Variants in SEMA3A observed in about 807,000 individuals in gnomAD.
SEMA3A encodes the protein semaphorin 3A.
SEMA3A carries 29 observed loss-of-function variants against 97.9 expected under a neutral mutation model. The ratio of observed to expected loss-of-function variants is 0.30; its 90% CI spans 0.22 to 0.40. The LOEUF is 0.40. SEMA3A is among the 10% of genes least tolerant of loss of function. SEMA3A has a pLI of 1.00. For missense variants in SEMA3A, 763 were observed against 951.3 expected, an observed-to-expected ratio of 0.80 and a Z score of 2.60; for synonymous variants, 321 against 323.7, an observed-to-expected ratio of 0.99 and a Z score of 0.09.
chr7:84,318,513 G>A (rs894620349), intron 2 of SEMA3A, among the ~76,000 whole-genome samples: 3 of 151,424 alleles, frequency 2.0e-5, no homozygotes, highest in African/African-American at 7.3e-5. Context: ...TAGTAGAGAC[G>A]GGGTTTCACC....
At chr7:84,120,306 T>A (rs1008351499) in intron 3 of SEMA3A, among the ~76,000 whole-genome samples, 9 of 152,292 alleles carry the variant, frequency 5.9e-5, no homozygotes, top group Admixed American at 4.6e-4. Flanking sequence ...AAAGTTTTAT[T>A]TGCCATGTAT....
chr7:84,382,849 G>C (rs1006266336), intron 1 of SEMA3A, among the ~76,000 whole-genome samples: 1 of 151,998 alleles, frequency 6.6e-6, no homozygotes, highest in Admixed American at 6.6e-5. Context: ...CTGCACTCCA[G>C]CCTGGGTGAC....
chr7:84,184,427 T>C (rs1486421525), intron 1 of SEMA3A, among the ~76,000 whole-genome samples: 3 of 152,146 alleles, frequency 2.0e-5, no homozygotes, highest in Admixed American at 2.0e-4. Flanking sequence ...AGAGCCTAGC[T>C]TGAGATTGAT....
rs1019957127 is a variant in SEMA3A, at chr7:84,165,551, TA to T, written c.112+28923del. Among the ~76,000 whole-genome samples, 22 of 152,208 alleles carry T rather than the reference TA, an allele frequency of 1.4e-4. 1 individual carries two copies. Among genetic ancestry groups the T allele is most frequent in the Admixed American group, 1.4e-3 (21 of 15,282 alleles). ...CACTTGTAGCATAGCTGGTTATATA[TA>T]CCAGTACCTTCTTTTTTTGAGGCGG... On this transcript the variant is annotated intron_variant, in intron 1 of 16. Transcript: ENST00000265362.
At chr7:84,009,982 G>A (rs1174788496) in intron 9 of SEMA3A, among the ~76,000 whole-genome samples, 1 of 147,092 alleles carries the variant, frequency 6.8e-6, no homozygotes, top group Non-Finnish European at 1.5e-5. Flanking sequence ...ATTATGTGCT[G>A]TAATGGTGAA....
Position 84,009,905 on chromosome 7 carries a change from CAAAAAAA to C in SEMA3A, c.995+1110_995+1116del, listed in dbSNP as rs3074687. Among the ~76,000 whole-genome samples, 1,794 of 91,738 alleles carry C rather than the reference CAAAAAAA, an allele frequency of 0.02. 97 individuals are homozygous for C. In the East Asian group the frequency reaches 0.21, roughly 11 times the overall value. 60.2% of individuals were successfully genotyped at this position (91,738 alleles called of 152,430 possible). A position where few individuals can be genotyped will look rare whatever the true frequency, so the allele number is the denominator to read the frequency against. ...TTAAGTTTGAGTTTGACACTGGTTA[CAAAAAAA>C]AAAAAAAAAAAAAAAACCCAGTCAT... On this transcript the variant is annotated intron_variant, in intron 9 of 16. Transcript: ENST00000265362.
Position 84,129,161 on chromosome 7 carries a change from T to C in SEMA3A, c.295A>G (p.Arg99Gly). Residue 99 changes from arginine (R) to glycine (G), a missense_variant, in exon 3 of 17, where the codon AGA becomes GGA. Physicochemically the swap from Arg to Gly is moderately radical, Grantham distance 125. Coordinates refer to ENST00000265362, the MANE Select transcript of SEMA3A (RefSeq NM_006080.3). ...CCAGCCCACTTGCATTCATCTCTTCTGGTGTAAGATACTGGCCACACAATC... is the reference window on the plus strand; with the variant it reads ...CCAGCCCACTTGCATTCATCTCTTCCGGTGTAAGATACTGGCCACACAATC... ...QKIVWPVSYT[R>G]RDECKWAGKD... is the part of the protein sequence containing the mutation. 1 of 1,613,248 alleles carries C rather than the reference T, an allele frequency of 6.2e-7. No homozygotes were observed. The highest frequency in any genetic ancestry group is 8.5e-7 in the Non-Finnish European group (1 of 1,179,288).
chr7:84,167,678 T>G (rs1797255042), intron 1 of SEMA3A, among the ~76,000 whole-genome samples: 1 of 152,162 alleles, frequency 6.6e-6, no homozygotes, highest in East Asian at 1.9e-4. Context: ...GAAATGATAA[T>G]TATCTGGTAC....
chr7:84,003,238 C>T (rs2116391433), intron 11 of SEMA3A, among the ~76,000 whole-genome samples: 1 of 152,186 alleles, frequency 6.6e-6, no homozygotes, highest in Non-Finnish European at 1.5e-5. Flanking sequence ...GAAGACCCTT[C>T]TGTATTTACA....
At chr7:84,389,038 G>C (rs1301564992) in intron 1 of SEMA3A, among the ~76,000 whole-genome samples, 1 of 151,940 alleles carries the variant, frequency 6.6e-6, no homozygotes, top group Admixed American at 6.6e-5. Context: ...ACAAAAAGGA[G>C]ACCTTATGAG....
chr7:84,063,861 G>C (rs1472459904), intron 4 of SEMA3A, among the ~76,000 whole-genome samples: 1 of 149,942 alleles, frequency 6.7e-6, no homozygotes, highest in Non-Finnish European at 1.5e-5. Flanking sequence ...TATTATCCAG[G>C]AGAACTTCCC....
At chr7:84,366,816 T>C (rs918535110) in intron 2 of SEMA3A, among the ~76,000 whole-genome samples, 3 of 151,290 alleles carry the variant, frequency 2.0e-5, no homozygotes. Flanking sequence ...TAGTGGTAAA[T>C]TGCTATTCCA....
intron 6 of SEMA3A, among the ~76,000 whole-genome samples, chr7:84,017,781 A>C (rs983772400): frequency 6.6e-6 from 1 of 152,024 alleles, no homozygotes; most frequent in Non-Finnish European, 1.5e-5. Flanking sequence ...CTCTAAGTGT[A>C]TTCATCCCCT....
chr7:84,184,983 G>A (rs558811038), intron 1 of SEMA3A, among the ~76,000 whole-genome samples: 9 of 152,182 alleles, frequency 5.9e-5, no homozygotes, highest in African/African-American at 1.9e-4. Context: ...CTTAAGACCT[G>A]ACACAAAGCA....
chr7:84,078,856 G>A (rs1244909437), intron 4 of SEMA3A, among the ~76,000 whole-genome samples: 1 of 151,882 alleles, frequency 6.6e-6, no homozygotes. Flanking sequence ...ATTAAGTGTT[G>A]AACTGTAGGG....
intron 4 of SEMA3A, among the ~76,000 whole-genome samples, chr7:84,074,832 C>A (rs979468547): frequency 1.3e-5 from 2 of 151,886 alleles, no homozygotes; most frequent in East Asian, 1.9e-4. Context: ...AAATTCTACA[C>A]TTTAGGAAAA....
intron 1 of SEMA3A, among the ~76,000 whole-genome samples, chr7:84,149,135 TCTC>T: frequency 6.6e-6 from 1 of 152,226 alleles, no homozygotes; most frequent in Non-Finnish European, 1.5e-5. Flanking sequence ...AAGATTAAGT[TCTC>T]CTATATCCAG....
At chr7:84,257,844 C>T (rs1441029969) in intron 3 of SEMA3A, among the ~76,000 whole-genome samples, 2 of 152,124 alleles carry the variant, frequency 1.3e-5, no homozygotes, top group Non-Finnish European at 2.9e-5. Context: ...AATATCATGA[C>T]ACAAACAACT....
chr7:84,149,237 T>C (rs891181253), intron 1 of SEMA3A, among the ~76,000 whole-genome samples: 6 of 152,222 alleles, frequency 3.9e-5, no homozygotes, highest in African/African-American at 1.4e-4. Context: ...AAATAGCAAC[T>C]TAAGGATTTT....
Sources: gnomAD v4.1 joint callset for allele counts (sites outside exome capture counted in the v4.1 genomes callset) on GRCh38, gnomAD v4.1.1 for gene constraint, MANE v1.5 for transcripts, NCBI Gene and HGNC (gene_info 2026-07-23, HGNC 2026-07-21) for gene names.